ARHGAP4: variants seen among roughly 807,000 people sequenced by gnomAD.
ARHGAP4 encodes the protein rho GTPase-activating protein 4.
A neutral mutation model predicts 67.6 loss-of-function variants in ARHGAP4; 25 were observed. The observed-to-expected ratio is 0.37, with a 90% confidence interval of 0.27 to 0.52. ARHGAP4 has a LOEUF of 0.52. ARHGAP4 is among the 20% of genes least tolerant of loss of function. ARHGAP4 has a pLI of 0.92. For missense variants in ARHGAP4, 804 were observed against 854.6 expected (o/e 0.94, Z 0.74); for synonymous variants, 448 against 373.7 (o/e 1.20, Z -2.29).
intron 7 of ARHGAP4, among the ~76,000 whole-genome samples, chrX:153,916,343 G>A (rs1311933416): frequency 8.8e-6 from 1 of 113,217 alleles, no homozygotes; most frequent in African/African-American, 3.2e-5. Flanking sequence ...GCAAGCCCAA[G>A]TCCTCTAAGG....
intron 1 of ARHGAP4, among the ~76,000 whole-genome samples, chrX:153,925,818 G>A (rs782158348): frequency 8.8e-6 from 1 of 113,058 alleles, no homozygotes; most frequent in African/African-American, 3.2e-5. Flanking sequence ...CCTTCTGAGG[G>A]GCACGTTGGT....
chrX:153,926,167 C>T lies in ARHGAP4; in HGVS notation c.36G>A (p.Gly12=), dbSNP rs782005387. ...AAHGKLRRER[G]LQAEYETQVK... ...CTTGCGTCTCATACTCAGCCTGCAGCCCCCGCTCCCGCCGCAGCTTCCCGT... is the reference window on the plus strand; with the variant it reads ...CTTGCGTCTCATACTCAGCCTGCAGTCCCCGCTCCCGCCGCAGCTTCCCGT... The change falls in exon 1 of 22, where the codon GGG becomes GGA. Residue 12 remains glycine (G), a synonymous_variant. Coordinates refer to ENST00000350060, the MANE Select transcript of ARHGAP4 (RefSeq NM_001666.5). The T allele has an allele frequency of 8.3e-6, 10 of 1,202,978 alleles. No individual in the cohort carries two copies. The Admixed American group carries it at 1.7e-4, about 21-fold the overall frequency.
chrX:153,910,803 G>A lies in ARHGAP4; in HGVS notation c.1713C>T (p.Ala571=). ...CCCCGGCCACCGAGTCCAGGTCATG[G>A]GCAGTGCAGCCCTCCACCAGTGGGT... ...GEDPLVEGCT[A]HDLDSVAGVL... is the part of the protein sequence containing the mutation. Residue 571 remains alanine (A), a synonymous_variant, in exon 15 of 22, where the codon GCC becomes GCT. Transcript: ENST00000350060. 8.4e-7 allele frequency: 1 copy of A among 1,190,819 alleles called. No homozygotes were observed. The highest frequency in any genetic ancestry group is 1.7e-5 in the African/African-American group (1 of 57,449).
At position 153,909,055 on chromosome X, in the gene ARHGAP4, C is replaced by T. The variant is rs372432871; in HGVS notation, c.2607+15G>A. 8 of 1,206,031 alleles carry T rather than the reference C, an allele frequency of 6.6e-6. No homozygotes were observed. The highest frequency in any genetic ancestry group is 1.7e-5 in the African/African-American group (1 of 57,796). ...CAGGACAGATGTCCCTCACCTGCCA[C>T]ACACCCACTCTCACCTTATCCACCT... On this transcript the variant is annotated intron_variant, in intron 21 of 21. Coordinates refer to ENST00000350060, the MANE Select transcript of ARHGAP4 (RefSeq NM_001666.5).
At chrX:153,919,348 A>G (rs1410837343) in intron 5 of ARHGAP4, 65 bp from the exon 6 acceptor site, 2 of 1,205,828 alleles carry the variant, frequency 1.7e-6, no homozygotes, top group African/African-American at 3.5e-5. Flanking sequence ...CTAGCCTTTC[A>G]TGTAATGCCC....
chrX:153,921,916 C>T (rs2065098165), intron 1 of ARHGAP4, 107 bp from the exon 2 acceptor site: 1 of 954,860 alleles, frequency 1.0e-6, no homozygotes, highest in East Asian at 3.4e-5. Flanking sequence ...GTCCCGTCGG[C>T]TCTGAGGGCT....
rs1270362059 is a variant in ARHGAP4 at position 153,910,799 on chromosome X, C to T, written c.1717G>A (p.Asp573Asn). ...DPLVEGCTAH[D>N]LDSVAGVLKL... is the part of the protein sequence containing the mutation. ...AGCACCCCGGCCACCGAGTCCAGGT[C>T]ATGGGCAGTGCAGCCCTCCACCAGT... is the stretch of plus-strand genomic sequence containing the variant. Residue 573 changes from aspartate to asparagine, a missense_variant, in exon 15 of 22, where the codon GAC (aspartate) becomes AAC (asparagine). Physicochemically the swap from Asp to Asn is conservative, Grantham distance 23 (BLOSUM62 1). Transcript: ENST00000350060. 6.7e-6 allele frequency: 8 copies of T among 1,189,316 alleles called. No individual in the cohort carries two copies. The South Asian group carries it at 1.1e-4, about 17-fold the overall frequency.
At chrX:153,920,289 G>A (rs782663361) in intron 5 of ARHGAP4, 8 of 254,175 alleles carry the variant, frequency 3.1e-5, no homozygotes, top group African/African-American at 5.6e-5. Flanking sequence ...GGCTCACCTC[G>A]AAGGCCCTTT....
At position 153,907,581 on chromosome X, in the gene ARHGAP4, G is replaced by A; in HGVS notation, c.*148C>T. On this transcript the variant is annotated 3_prime_UTR_variant, in exon 22 of 22. Transcript: ENST00000350060. Reference sequence around the variant, plus strand: ...CAGGATGTGGAGCGGGCATCCCTGTGTGCACGGCCCCATCCCACCTCTCTG... The same window carrying A: ...CAGGATGTGGAGCGGGCATCCCTGTATGCACGGCCCCATCCCACCTCTCTG... 3 of 372,113 alleles carry A rather than the reference G, an allele frequency of 8.1e-6. No homozygotes were observed. Among genetic ancestry groups the A allele is most frequent in the Non-Finnish European group, 1.4e-5 (3 of 218,992 alleles). 30.7% of individuals were successfully genotyped at this position (372,113 alleles called of 1,213,427 possible).
rs782163114 is a variant in ARHGAP4 at position 153,909,743 on chromosome X, G to A, written c.2412C>T (p.Ala804=). Residue 804 remains alanine (A), a splice_region_variant and synonymous_variant, in exon 19 of 22, where the codon GCC becomes GCT. Coordinates refer to ENST00000350060, the MANE Select transcript of ARHGAP4 (RefSeq NM_001666.5). Reference sequence around the variant, plus strand: ...GCCTGAGGGCGCGGCTCACTCACCCGGCGGGCAGCGTGATATACTTGTGGG... The same window carrying A: ...GCCTGAGGGCGCGGCTCACTCACCCAGCGGGCAGCGTGATATACTTGTGGG... ...LIPHKYITLP[A]GTEKQVVGAG... is the part of the protein sequence containing the mutation. The A allele has an allele frequency of 3.8e-5, 45 of 1,184,557 alleles. No homozygotes were observed. Among genetic ancestry groups the A allele is most frequent in the East Asian group, 2.7e-4 (9 of 33,335 alleles).
chrX:153,925,644 G>A (rs1488062972), intron 1 of ARHGAP4, among the ~76,000 whole-genome samples: 1 of 112,267 alleles, frequency 8.9e-6, no homozygotes, highest in East Asian at 2.8e-4. Flanking sequence ...AGTGGCCCTC[G>A]CCTCTGCTCC....
Position 153,907,690 on chromosome X carries a change from G to C in ARHGAP4, c.*39C>G. ...GGCTGGGGAGAGTGGCCGGTCCAGC[G>C]GGTAGCCGCCGGGGGCACGCATCTC... On this transcript the variant is annotated 3_prime_UTR_variant, in exon 22 of 22. Coordinates refer to ENST00000350060, the MANE Select transcript of ARHGAP4 (RefSeq NM_001666.5). 1 of 774,234 alleles carries C rather than the reference G, an allele frequency of 1.3e-6. No individual in the cohort carries two copies. The allele number at this position is 774,234 out of a possible 1,213,427, so 63.8% of individuals were successfully genotyped here. A position where few individuals can be genotyped will look rare whatever the true frequency, so the allele number is the denominator to read the frequency against.
intron 7 of ARHGAP4, among the ~76,000 whole-genome samples, chrX:153,915,388 A>G (rs782129757): frequency 2.0e-4 from 22 of 111,780 alleles, no homozygotes; most frequent in Admixed American, 6.6e-4. Flanking sequence ...GTTTTATGCT[A>G]TGTGTATTCT....
rs138669123 is a variant in ARHGAP4 at position 153,925,713 on chromosome X, C to G, written c.67+423G>C. On this transcript the variant is annotated intron_variant, in intron 1 of 21. Transcript: ENST00000350060. ...AGCTCCAGGGACTGCAGTGGGGTTACGGCCAGGTGATCTCCACCAATCCAC... is the reference window on the plus strand; with the variant it reads ...AGCTCCAGGGACTGCAGTGGGGTTAGGGCCAGGTGATCTCCACCAATCCAC... 5.8e-3 allele frequency among the ~76,000 whole-genome samples: 654 copies of G among 112,002 alleles called. 4 individuals carry two copies. Among genetic ancestry groups the G allele is most frequent in the African/African-American group, 0.02 (624 of 30,804 alleles).
Position 153,907,819 on chromosome X carries a change from C to G in ARHGAP4, c.2751G>C (p.Arg917Ser), listed in dbSNP as rs782454472. 20 of 1,011,122 alleles carry G rather than the reference C, an allele frequency of 2.0e-5. No homozygotes were observed. Among genetic ancestry groups the G allele is most frequent in the Non-Finnish European group, 2.4e-5 (19 of 789,116 alleles). The allele number at this position is 1,011,122 out of a possible 1,213,427, so 83.3% of individuals were successfully genotyped here. The change falls in exon 22 of 22, where the codon AGG becomes AGC. Residue 917 changes from arginine (R) to serine (S), a missense_variant. Physicochemically the swap from Arg to Ser is moderately radical, Grantham distance 110. Transcript: ENST00000350060. ...PKAPPSSRLG[R>S]NKGFSRGPGA... ...CAGGGCCCCGGGAGAAGCCTTTGTT[C>G]CTGCCCAGGCGGCTGCTGGGCGGGG...
chrX:153,908,634 C>G (rs1158152932), intron 21 of ARHGAP4, among the ~76,000 whole-genome samples: 1 of 107,242 alleles, frequency 9.3e-6, no homozygotes, highest in Non-Finnish European at 1.9e-5. Context: ...TGCCTCCCTG[C>G]CATCTGTCCC....
At position 153,913,211 on chromosome X, in the gene ARHGAP4, G is replaced by A. The variant is rs903688818; in HGVS notation, c.1411+7C>T. ...AGAGGCGGGGAAGGGGGCAGCACTG[G>A]GCCCACCTCGCTGAAGGGCCTCCTG... On this transcript the variant is annotated splice_region_variant and intron_variant, in intron 10 of 21. Transcript: ENST00000350060. 14 of 1,165,889 alleles carry A rather than the reference G, an allele frequency of 1.2e-5. No homozygotes were observed. In the African/African-American group the frequency reaches 2.0e-4, roughly 16 times the overall value.
intron 7 of ARHGAP4, 62 bp from the exon 8 acceptor site, chrX:153,913,941 C>T (rs1170394339): frequency 1.2e-5 from 13 of 1,062,835 alleles, no homozygotes; most frequent in South Asian, 5.8e-5. Flanking sequence ...CCAAGATCCC[C>T]GGGGCATAAG....
At position 153,909,408 on chromosome X, in the gene ARHGAP4, A is replaced by C. The variant is rs925899872; in HGVS notation, c.2507+35T>G. On this transcript the variant is annotated intron_variant, in intron 20 of 21. Coordinates refer to ENST00000350060, the MANE Select transcript of ARHGAP4 (RefSeq NM_001666.5). ...AGTCCCCTCTGGCCTAGAACAGCAC[A>C]CGTGTGGCCCCCTGAGCCCCGTCTT... 2.6e-5 allele frequency: 27 copies of C among 1,037,748 alleles called. No individual in the cohort carries two copies. In the Admixed American group the frequency reaches 3.5e-4, roughly 13 times the overall value. 85.5% of individuals were successfully genotyped at this position (1,037,748 alleles called of 1,213,427 possible). A position where few individuals can be genotyped will look rare whatever the true frequency, so the allele number is the denominator to read the frequency against.
Sources: gnomAD v4.1 joint callset for allele counts (sites outside exome capture counted in the v4.1 genomes callset) on GRCh38, gnomAD v4.1.1 for gene constraint, MANE v1.5 for transcripts, NCBI Gene and HGNC (gene_info 2026-07-23, HGNC 2026-07-21) for gene names.